Variants in RBFOX1 observed in about 807,000 individuals in gnomAD.
RBFOX1 encodes the protein RNA binding fox-1 homolog 1, also known as RNA binding protein fox-1 homolog 1.
In RBFOX1, 8 loss-of-function variants were observed where a neutral mutation model predicts 57.7. The observed-to-expected ratio is 0.14, with a 90% CI of 0.08 to 0.25. The LOEUF is 0.25. Ranked by LOEUF, RBFOX1 falls within the 10% of genes least tolerant of loss-of-function variation. The probability of loss-of-function intolerance (pLI) is 1.00; values close to 1 mark genes in which losing one functional copy is unlikely to be tolerated. For missense variants in RBFOX1, 611 were observed against 548.5 expected (o/e 1.11, Z -1.14); for synonymous variants, 326 against 222.4 (o/e 1.47, Z -4.15).
At chr16:7,393,176 G>T (rs977436951) in intron 4 of RBFOX1, among the ~76,000 whole-genome samples, 6 of 151,960 alleles carry the variant, frequency 3.9e-5, no homozygotes, top group African/African-American at 1.4e-4. Context: ...ACCCCACCTG[G>T]TGTCTTGATT....
At chr16:5,284,760 T>A (rs2063352743) in intron 1 of RBFOX1, among the ~76,000 whole-genome samples, 1 of 129,196 alleles carries the variant, frequency 7.7e-6, no homozygotes, top group African/African-American at 3.4e-5. Flanking sequence ...GCTTAGATTT[T>A]TTTTTTTTTT....
chr16:7,041,319 C>A (rs1052308561), intron 3 of RBFOX1, among the ~76,000 whole-genome samples: 1 of 151,978 alleles, frequency 6.6e-6, no homozygotes, highest in African/African-American at 2.4e-5. Flanking sequence ...ATGGGAGAAC[C>A]GAGTAGCTGC....
intron 3 of RBFOX1, among the ~76,000 whole-genome samples, chr16:5,707,820 T>C (rs1242875888): frequency 6.6e-6 from 1 of 152,208 alleles, no homozygotes; most frequent in Non-Finnish European, 1.5e-5. Flanking sequence ...GACAAAGATT[T>C]ATTAGGAAGG....
At chr16:7,422,284 A>G (rs1397021091) in intron 4 of RBFOX1, among the ~76,000 whole-genome samples, 2 of 152,152 alleles carry the variant, frequency 1.3e-5, no homozygotes, top group Non-Finnish European at 2.9e-5. Flanking sequence ...CTTTCATATC[A>G]TGTAGGCGTC....
chr16:6,196,563 C>G lies in RBFOX1; in HGVS notation c.-126-120432C>G, dbSNP rs143394022. Among the ~76,000 whole-genome samples the G allele has an allele frequency of 6.6e-4, 100 of 152,218 alleles. 4 individuals are homozygous for G. In the South Asian group the frequency reaches 0.013, roughly 19 times the overall value. ...GCTGCGACTTAAAAAGCCAAATCCA[C>G]CCCCCAAATGTGAATTATTGCCTAA... On this transcript the variant is annotated intron_variant, in intron 1 of 15. Coordinates refer to ENST00000550418, the MANE Select transcript of RBFOX1 (RefSeq NM_018723.4).
chr16:6,521,705 A>G (rs1369155000), intron 2 of RBFOX1, among the ~76,000 whole-genome samples: 1 of 152,174 alleles, frequency 6.6e-6, no homozygotes, highest in African/African-American at 2.4e-5. Flanking sequence ...CCAGAAAACA[A>G]CAACAAGAAA....
chr16:6,899,988 G>C (rs1208028067), intron 3 of RBFOX1, among the ~76,000 whole-genome samples: 1 of 152,146 alleles, frequency 6.6e-6, no homozygotes, highest in African/African-American at 2.4e-5. Context: ...GCCTTTCTGT[G>C]CTTCTGTTTC....
intron 4 of RBFOX1, among the ~76,000 whole-genome samples, chr16:7,512,288 A>C (rs1433556135): frequency 6.6e-6 from 1 of 152,200 alleles, no homozygotes; most frequent in African/African-American, 2.4e-5. Context: ...GGAGTGGAAA[A>C]GGTGCCCTTA....
intron 1 of RBFOX1, among the ~76,000 whole-genome samples, chr16:5,263,193 C>G (rs1470493604): frequency 1.3e-5 from 2 of 152,004 alleles, no homozygotes; most frequent in East Asian, 1.9e-4. Flanking sequence ...ATATGGGAAT[C>G]AACTGCATGG....
intron 9 of RBFOX1, among the ~76,000 whole-genome samples, chr16:7,601,543 C>G (rs1383176066): frequency 1.3e-5 from 2 of 152,260 alleles, no homozygotes; most frequent in East Asian, 1.9e-4. Flanking sequence ...AACAGACAGT[C>G]TTTGAAAAAC....
intron 3 of RBFOX1, among the ~76,000 whole-genome samples, chr16:6,990,133 C>A (rs924949080): frequency 2.0e-5 from 3 of 152,166 alleles, no homozygotes; most frequent in African/African-American, 7.2e-5. Context: ...AACTAGTAAA[C>A]GTGCCCAACA....
At chr16:7,194,929 C>CAAAA (rs59919051) in intron 4 of RBFOX1, among the ~76,000 whole-genome samples, 7,684 of 133,946 alleles carry the variant, frequency 0.057, 332 homozygotes, top group African/African-American at 0.11. Flanking sequence ...CCCTGTTTCA[C>CAAAA]AAAAAAAAAA....
chr16:6,673,828 C>A (rs961725353), intron 3 of RBFOX1, among the ~76,000 whole-genome samples: 1 of 152,014 alleles, frequency 6.6e-6, no homozygotes, highest in Non-Finnish European at 1.5e-5. Context: ...AGAATGATAG[C>A]CAAGACAGTG....
At chr16:7,634,392 T>G (rs544679874) in intron 11 of RBFOX1, among the ~76,000 whole-genome samples, 5 of 152,012 alleles carry the variant, frequency 3.3e-5, no homozygotes, top group Admixed American at 1.3e-4. Context: ...ATGTTTGTTT[T>G]TTTTTTTCGA....
At chr16:7,660,487 G>A (rs1275186071) in intron 12 of RBFOX1, among the ~76,000 whole-genome samples, 1 of 152,188 alleles carries the variant, frequency 6.6e-6, no homozygotes, top group South Asian at 2.1e-4. Flanking sequence ...AAGTGCAGCT[G>A]TTTGATGAGG....
intron 2 of RBFOX1, among the ~76,000 whole-genome samples, chr16:6,532,433 T>A (rs961207032): frequency 7.2e-5 from 11 of 152,190 alleles, no homozygotes; most frequent in African/African-American, 2.4e-4. Flanking sequence ...CATTACTGTT[T>A]CCTCATTTCT....
At chr16:5,584,543 A>G (rs947865234) in intron 2 of RBFOX1, among the ~76,000 whole-genome samples, 1 of 152,168 alleles carries the variant, frequency 6.6e-6, no homozygotes, top group African/African-American at 2.4e-5. Context: ...GACCAAGGGT[A>G]GGCTGGCTTT....
intron 4 of RBFOX1, among the ~76,000 whole-genome samples, chr16:7,196,389 C>G (rs960595595): frequency 6.6e-6 from 1 of 152,144 alleles, no homozygotes; most frequent in African/African-American, 2.4e-5. Context: ...GCCCCATTTG[C>G]CACTGACTTG....
At chr16:5,940,379 C>T (rs1383525989) in intron 4 of RBFOX1, among the ~76,000 whole-genome samples, 6 of 152,166 alleles carry the variant, frequency 3.9e-5, no homozygotes, top group African/African-American at 1.4e-4. Flanking sequence ...TTCACGTTCT[C>T]ATTTGATCCT....
Sources: allele counts gnomAD v4.1 joint callset (sites outside exome capture counted in the v4.1 genomes callset), GRCh38; gene constraint gnomAD v4.1.1; transcripts MANE v1.5; gene names NCBI Gene and HGNC (gene_info 2026-07-23, HGNC 2026-07-21).